CTNNA2: variants seen among roughly 807,000 people sequenced by gnomAD.
The protein encoded by CTNNA2 is catenin alpha-2.
A neutral mutation model predicts 101.0 loss-of-function variants in CTNNA2; 42 were observed. The ratio of observed to expected loss-of-function variants is 0.42; its 90% CI spans 0.32 to 0.54. CTNNA2 has a LOEUF of 0.54. Among genes scored for constraint, CTNNA2 ranks in the 20% least tolerant of loss-of-function variants. CTNNA2 has a pLI of 0.14. For missense variants in CTNNA2, 871 were observed against 1,223.1 expected (o/e 0.71, Z 4.29); for synonymous variants, 450 against 456.4 (o/e 0.99, Z 0.18).
At chr2:79,439,524 T>G (rs1056662086) in intron 4 of CTNNA2, among the ~76,000 whole-genome samples, 1 of 152,190 alleles carries the variant, frequency 6.6e-6, no homozygotes, top group African/African-American at 2.4e-5. Context: ...GTAAATATAC[T>G]AAAAACCAAT....
At chr2:80,236,899 T>C (rs544244810) in intron 7 of CTNNA2, among the ~76,000 whole-genome samples, 4 of 152,292 alleles carry the variant, frequency 2.6e-5, no homozygotes, top group South Asian at 4.1e-4. Context: ...ACTTTTTCAC[T>C]ACAAAAGAGA....
chr2:80,158,641 G>T (rs1044285708), intron 7 of CTNNA2, among the ~76,000 whole-genome samples: 1 of 152,204 alleles, frequency 6.6e-6, no homozygotes, highest in Non-Finnish European at 1.5e-5. Context: ...CGGGCATGGT[G>T]GCTTACGCCT....
intron 1 of CTNNA2, among the ~76,000 whole-genome samples, chr2:79,629,173 C>T (rs1317822130): frequency 6.6e-6 from 1 of 152,014 alleles, no homozygotes; most frequent in Non-Finnish European, 1.5e-5. Flanking sequence ...TCATTTTTCT[C>T]GAAGTTTTTA....
intron 7 of CTNNA2, among the ~76,000 whole-genome samples, chr2:80,153,530 A>G (rs1703828869): frequency 6.6e-6 from 1 of 152,154 alleles, no homozygotes. Context: ...CCTGGAAATA[A>G]TAACCGCCTG....
chr2:79,886,359 C>G (rs1180157883), intron 6 of CTNNA2, among the ~76,000 whole-genome samples: 1 of 152,048 alleles, frequency 6.6e-6, no homozygotes, highest in Non-Finnish European at 1.5e-5. Flanking sequence ...AAAAGTCAGT[C>G]TAAGTGGGCA....
intron 9 of CTNNA2, among the ~76,000 whole-genome samples, chr2:80,421,136 G>A (rs61149562): frequency 1.3e-5 from 2 of 152,194 alleles, no homozygotes; most frequent in African/African-American, 4.8e-5. Flanking sequence ...GGTACAGAAG[G>A]AAGGGAAGAA....
At chr2:80,086,347 A>G (rs1188229511) in intron 7 of CTNNA2, among the ~76,000 whole-genome samples, 2 of 152,118 alleles carry the variant, frequency 1.3e-5, no homozygotes, top group Non-Finnish European at 2.9e-5. Context: ...CACAGACAAC[A>G]TATTTCTATT....
In CTNNA2 at chr2:79,489,077, A is replaced by G. The variant is rs1002724413; in HGVS notation, c.-134-15977A>G. On this transcript the variant is annotated intron_variant, in intron 4 of 21. Transcript: ENST00000466387. Reference sequence around the variant, plus strand: ...CCATGGCACTTTCGGCTCTCTTTGTATTGCTCCTACTGCTTCTACTCTATT... The same window carrying G: ...CCATGGCACTTTCGGCTCTCTTTGTGTTGCTCCTACTGCTTCTACTCTATT... 1.4e-4 allele frequency among the ~76,000 whole-genome samples: 22 copies of G among 151,928 alleles called. No homozygotes were observed. In the South Asian group the frequency reaches 1.7e-3, roughly 12 times the overall value.
chr2:80,367,401 G>C (rs1675040134), intron 7 of CTNNA2, among the ~76,000 whole-genome samples: 1 of 152,048 alleles, frequency 6.6e-6, no homozygotes. Flanking sequence ...AGAAGCTTTA[G>C]GGTTTGGGGT....
chr2:80,566,755 C>T (rs979207608), intron 12 of CTNNA2, among the ~76,000 whole-genome samples: 6 of 152,096 alleles, frequency 3.9e-5, no homozygotes, highest in Non-Finnish European at 5.9e-5. Context: ...AGATAAGAGT[C>T]AGGGAATGGT....
intron 3 of CTNNA2, among the ~76,000 whole-genome samples, chr2:79,802,041 A>G (rs1290792094): frequency 1.3e-5 from 2 of 151,524 alleles, no homozygotes; most frequent in African/African-American, 4.8e-5. Flanking sequence ...AAAAAAAGCT[A>G]TTCCGATACA....
At chr2:79,322,341 C>A (rs1477509037) in intron 3 of CTNNA2, among the ~76,000 whole-genome samples, 2 of 152,114 alleles carry the variant, frequency 1.3e-5, no homozygotes, top group Non-Finnish European at 2.9e-5. Context: ...ACTGACCTGG[C>A]TTTGCATTAT....
At chr2:79,188,207 C>T (rs1488426725) in intron 1 of CTNNA2, among the ~76,000 whole-genome samples, 10 of 152,122 alleles carry the variant, frequency 6.6e-5, no homozygotes, top group Admixed American at 5.2e-4. Context: ...TCTTATGATG[C>T]ATGACATTCT....
At chr2:79,550,293 C>A (rs1348982309) in intron 1 of CTNNA2, among the ~76,000 whole-genome samples, 2 of 152,138 alleles carry the variant, frequency 1.3e-5, no homozygotes, top group Non-Finnish European at 2.9e-5. Context: ...GAACTTCGGA[C>A]CTTTAAATTG....
At chr2:79,798,699 G>A (rs73941313) in intron 3 of CTNNA2, among the ~76,000 whole-genome samples, 3,458 of 151,532 alleles carry the variant, frequency 0.023, 142 homozygotes, top group African/African-American at 0.08. Flanking sequence ...ACTAATTGAA[G>A]AGCATAGACA....
chr2:79,464,174 A>G (rs1269698883), intron 4 of CTNNA2, among the ~76,000 whole-genome samples: 3 of 151,780 alleles, frequency 2.0e-5, no homozygotes, highest in Admixed American at 1.3e-4. Context: ...GATGTTCCCC[A>G]CCCTGTGTCC....
intron 12 of CTNNA2, among the ~76,000 whole-genome samples, chr2:80,559,622 C>G (rs1204622780): frequency 1.3e-5 from 2 of 152,094 alleles, no homozygotes; most frequent in Non-Finnish European, 2.9e-5. Flanking sequence ...GCATTATGTA[C>G]AAATTTACCT....
chr2:79,352,280 C>T (rs1677408131), intron 3 of CTNNA2, among the ~76,000 whole-genome samples: 1 of 151,562 alleles, frequency 6.6e-6, no homozygotes, highest in Admixed American at 6.6e-5. Flanking sequence ...TTGGTGTGTT[C>T]AGGTTTTCAA....
chr2:79,620,093 A>G (rs1678898856), intron 1 of CTNNA2, among the ~76,000 whole-genome samples: 2 of 152,200 alleles, frequency 1.3e-5, no homozygotes, highest in Admixed American at 1.3e-4. Context: ...CAGCAGAAAA[A>G]TATTTGTGGC....
Sources: allele counts gnomAD v4.1 joint callset (sites outside exome capture counted in the v4.1 genomes callset), GRCh38; gene constraint gnomAD v4.1.1; transcripts MANE v1.5; gene names NCBI Gene and HGNC (gene_info 2026-07-23, HGNC 2026-07-21).